The following LAMC2 variants were observed in gnomAD, a reference collection of about 807,000 sequenced individuals.
The protein encoded by LAMC2 is laminin subunit gamma 2.
LAMC2 carries 97 observed loss-of-function variants against 140.2 expected under a neutral mutation model. That is an observed-to-expected ratio of 0.69 (90% CI 0.59 to 0.82). LAMC2 has a LOEUF of 0.82. LAMC2 is among the 40% of genes least tolerant of loss of function. LAMC2 has a pLI of 0.00. For synonymous variants in LAMC2, 513 were observed against 540.2 expected (o/e 0.95, Z 0.70); for missense variants, 1,402 against 1,476.1 (o/e 0.95, Z 0.82).
At position 183,228,641 on chromosome 1, in the gene LAMC2, G is replaced by C. The variant is rs756017057; in HGVS notation, c.1714+22G>C. The C allele has an allele frequency of 3.1e-6, 5 of 1,613,266 alleles. No homozygotes were observed. The highest frequency in any genetic ancestry group is 1.3e-5 in the African/African-American group (1 of 74,902). On this transcript the variant is annotated intron_variant, in intron 11 of 22. Transcript: ENST00000264144. The surrounding 1 kb of genome is among the most constrained non-coding windows in gnomAD (Gnocchi z 4.3). ...CGAGGTAGGACTCCACCCCAGGCAGGCTGTGTCTGTGCGTGCCTGTGTACG... is the reference window on the plus strand; with the variant it reads ...CGAGGTAGGACTCCACCCCAGGCAGCCTGTGTCTGTGCGTGCCTGTGTACG...
chr1:183,258,755 A>G, the LAMC2 span, among the ~76,000 whole-genome samples: 1 of 152,098 alleles, frequency 6.6e-6, no homozygotes, highest in African/African-American at 2.4e-5. Flanking sequence ...GGCACCACCC[A>G]GATCAATAAA....
chr1:183,186,408 C>A lies in LAMC2; in HGVS notation c.56C>A (p.Ala19Asp), dbSNP rs919996945. The A allele has an allele frequency of 5.6e-6, 9 of 1,605,394 alleles. No individual in the cohort carries two copies. The highest frequency in any genetic ancestry group is 6.8e-6 in the Non-Finnish European group (8 of 1,179,708). Residue 19 changes from alanine to aspartate, a missense_variant, in exon 1 of 23, where the codon GCC becomes GAC. Coordinates refer to ENST00000264144, the MANE Select transcript of LAMC2 (RefSeq NM_005562.3). ...CLCFSLLLPA[A>D]RATSRREVCD... is the part of the protein sequence containing the mutation. ...TGCTTCTCGCTCCTCCTGCCCGCAG[C>A]CCGGGCCACCTCCAGGAGGGAAGGT...
At chr1:183,217,485 T>C (rs917702859) in intron 3 of LAMC2, among the ~76,000 whole-genome samples, 2 of 152,108 alleles carry the variant, frequency 1.3e-5, no homozygotes, top group African/African-American at 4.8e-5. Context: ...ACACACACAT[T>C]CACAGCAACA....
chr1:183,240,493 C>T (rs1571542834), intron 22 of LAMC2, 102 bp downstream of exon 22: 1 of 1,526,326 alleles, frequency 6.6e-7, no homozygotes, highest in African/African-American at 1.4e-5. Flanking sequence ...TCTCAGCTTT[C>T]CTTAAGGATA....
At chr1:183,238,090 G>A (rs538194541) in intron 18 of LAMC2, among the ~76,000 whole-genome samples, 7 of 152,222 alleles carry the variant, frequency 4.6e-5, no homozygotes, top group Admixed American at 3.9e-4. Context: ...TTATAAAACC[G>A]TTCCTGTCCC....
At chr1:183,252,568 CAGAG>C in the LAMC2 span, 4 of 1,074,264 alleles carry the variant, frequency 3.7e-6, no homozygotes, top group East Asian at 2.4e-5. Context: ...GATGGAGAAA[CAGAG>C]AGGCAGGAGA....
chr1:183,240,050 G>A lies in LAMC2; in HGVS notation c.3080G>A (p.Ser1027Asn). ...ISSEIEQEIG[S>N]LNLEANVTAD... Reference sequence around the variant, plus strand: ...CTTTTCTTCTCTCAGGAGATTGGGAGTCTGAACTTGGAAGCCAATGTGACA... The same window carrying A: ...CTTTTCTTCTCTCAGGAGATTGGGAATCTGAACTTGGAAGCCAATGTGACA... The change falls in exon 21 of 23, where the codon AGT becomes AAT. Residue 1027 changes from serine (S) to asparagine (N), a missense_variant. Physicochemically the swap from Ser to Asn is conservative, Grantham distance 46. Around this residue, in one of 3 missense-constraint regions of LAMC2, gnomAD observed 670 missense variants for 667.2 expected, o/e 1.00. Coordinates refer to ENST00000264144, the MANE Select transcript of LAMC2 (RefSeq NM_005562.3). 3 of 1,614,150 alleles carry A rather than the reference G, an allele frequency of 1.9e-6. No individual in the cohort carries two copies. The highest frequency in any genetic ancestry group is 2.5e-6 in the Non-Finnish European group (3 of 1,180,032).
chr1:183,232,983 G>T, intron 14 of LAMC2, 126 bp downstream of exon 14: 4 of 888,702 alleles, frequency 4.5e-6, no homozygotes, highest in Non-Finnish European at 7.3e-6. Flanking sequence ...CTGACAGGTT[G>T]TTGGACTTCT....
Position 183,239,357 on chromosome 1 carries a change from A to G in LAMC2, c.2870-7A>G, listed in dbSNP as rs1660058473. 6.2e-7 allele frequency: 1 copy of G among 1,613,828 alleles called. No homozygotes were observed. Among genetic ancestry groups the G allele is most frequent in the Non-Finnish European group, 8.5e-7 (1 of 1,179,876 alleles). On this transcript the variant is annotated splice_region_variant and splice_polypyrimidine_tract_variant and intron_variant, in intron 19 of 22. Coordinates refer to ENST00000264144, the MANE Select transcript of LAMC2 (RefSeq NM_005562.3). Reference sequence around the variant, plus strand: ...TTCACGGCAGTTTTTTCTTTTCTTCATTTCAGAGTTTGACCTGCAGGTGGA... The same window carrying G: ...TTCACGGCAGTTTTTTCTTTTCTTCGTTTCAGAGTTTGACCTGCAGGTGGA...
Position 183,232,804 on chromosome 1 carries a change from A to C in LAMC2, c.2167A>C (p.Ile723Leu). 1.9e-6 allele frequency: 3 copies of C among 1,614,206 alleles called. No individual in the cohort carries two copies. The change falls in exon 14 of 23, where the codon ATC (isoleucine) becomes CTC (leucine). Residue 723 changes from isoleucine to leucine, a missense_variant. Around this residue, in one of 3 missense-constraint regions of LAMC2, gnomAD observed 670 missense variants for 667.2 expected, o/e 1.00. Transcript: ENST00000264144. ...QNRVRDTHRL[I>L]TQMQLSLAES... The stretch of plus-strand genomic sequence containing the variant: ...CCGAGTTCGGGATACTCACAGGCTC[A>C]TCACTCAGATGCAGCTGAGCCTGGC...
downstream of LAMC2, among the ~76,000 whole-genome samples, chr1:183,245,874 TAA>T (rs1660231197): frequency 1.3e-5 from 2 of 152,262 alleles, no homozygotes; most frequent in South Asian, 4.1e-4. Context: ...TAGATTGTTT[TAA>T]AAGTCGTAAG....
At chr1:183,222,273 G>A (rs1432011977) in intron 6 of LAMC2, 62 bp downstream of exon 6, 2 of 1,565,050 alleles carry the variant, frequency 1.3e-6, no homozygotes, top group African/African-American at 1.4e-5. Context: ...TCAAGATAGA[G>A]AAATTGAGTT....
the LAMC2 span, among the ~76,000 whole-genome samples, chr1:183,254,646 C>G: frequency 3.9e-5 from 6 of 152,080 alleles, no homozygotes; most frequent in Non-Finnish European, 2.9e-5. Context: ...GACAGGGTCT[C>G]ACTATGTCTG....
chr1:183,237,049 GA>G (rs913239285), intron 17 of LAMC2, among the ~76,000 whole-genome samples: 9 of 150,770 alleles, frequency 6.0e-5, no homozygotes, highest in East Asian at 3.9e-4. Context: ...ACTACCTATA[GA>G]AAAAAAAATT....
chr1:183,257,149 TTAAAA>T, the LAMC2 span, among the ~76,000 whole-genome samples: 2 of 151,998 alleles, frequency 1.3e-5, no homozygotes, highest in African/African-American at 4.8e-5. Flanking sequence ...TTTGAAGAGT[TTAAAA>T]TGTATAGGCC....
intron 20 of LAMC2, 43 bp downstream of exon 20, chr1:183,239,606 A>G (rs1379872460): frequency 6.6e-7 from 1 of 1,505,096 alleles, no homozygotes; most frequent in Non-Finnish European, 9.2e-7. Flanking sequence ...GTAGCACCAA[A>G]CACAAGGGTG....
In LAMC2 at chr1:183,202,660, C is replaced by T. The variant is rs554975037; in HGVS notation, c.80-5221C>T. ...ACAGCAAACTGGCATATGGCACTTT[C>T]TACCCTCCTTCCCACCCATCTTACT... On this transcript the variant is annotated intron_variant, in intron 1 of 22. Coordinates refer to ENST00000264144, the MANE Select transcript of LAMC2 (RefSeq NM_005562.3). 1.1e-4 allele frequency among the ~76,000 whole-genome samples: 17 copies of T among 152,316 alleles called. No individual in the cohort carries two copies. The South Asian group carries it at 3.1e-3, about 28-fold the overall frequency.
chr1:183,241,029 C>T (rs1319658091), intron 22 of LAMC2: 1 of 154,298 alleles, frequency 6.5e-6, no homozygotes, highest in African/African-American at 2.4e-5. Flanking sequence ...GGGTGGATCA[C>T]CCGAGGTCAG....
chr1:183,195,521 C>G (rs997193741), intron 1 of LAMC2, among the ~76,000 whole-genome samples: 1 of 152,192 alleles, frequency 6.6e-6, no homozygotes, highest in Non-Finnish European at 1.5e-5. Context: ...CTGCCTCAGC[C>G]TTACTCACAT....
Sources: gnomAD v4.1 joint callset for allele counts (sites outside exome capture counted in the v4.1 genomes callset) on GRCh38, gnomAD v4.1.1 for gene constraint, gnomAD v4.1.1 regional missense constraint, Gnocchi (gnomAD v3.1) non-coding constraint, MANE v1.5 for transcripts, NCBI Gene and HGNC (gene_info 2026-07-23, HGNC 2026-07-21) for gene names.